The following SLC22A15 variants were observed in gnomAD, a reference collection of about 807,000 sequenced individuals.
The protein encoded by SLC22A15 is flipt 1.
In SLC22A15, 45 loss-of-function variants were observed where a neutral mutation model predicts 62.7. That is an observed-to-expected ratio of 0.72 (90% CI 0.56 to 0.92). The LOEUF is 0.92. SLC22A15 is among the 40% of genes least tolerant of loss of function. The probability of loss-of-function intolerance (pLI) is 0.00; values close to 1 mark genes in which losing one functional copy is unlikely to be tolerated. For synonymous variants in SLC22A15, 264 were observed against 267.0 expected (o/e 0.99, Z 0.11); for missense variants, 622 against 665.6 (o/e 0.93, Z 0.72).
chr1:115,986,221 C>T (rs1401047864), intron 1 of SLC22A15, among the ~76,000 whole-genome samples: 2 of 151,604 alleles, frequency 1.3e-5, no homozygotes, highest in Admixed American at 6.6e-5. Flanking sequence ...TTGGTTATAC[C>T]ATTATGCAAG....
At chr1:116,005,793 T>C (rs974127531) in intron 2 of SLC22A15, among the ~76,000 whole-genome samples, 2 of 151,880 alleles carry the variant, frequency 1.3e-5, no homozygotes, top group Non-Finnish European at 2.9e-5. Flanking sequence ...GTAGGTAGAG[T>C]ACCTACACAT....
intron 5 of SLC22A15, among the ~76,000 whole-genome samples, chr1:116,029,261 T>C (rs1338915681): frequency 6.6e-6 from 1 of 152,240 alleles, no homozygotes; most frequent in Non-Finnish European, 1.5e-5. Context: ...ATTTTCACAA[T>C]ACTTCAATTT....
intron 8 of SLC22A15, among the ~76,000 whole-genome samples, chr1:116,051,949 C>G (rs1658065273): frequency 6.6e-6 from 1 of 152,246 alleles, no homozygotes; most frequent in African/African-American, 2.4e-5. Flanking sequence ...AGGAACAGCT[C>G]TGGTCTACAG....
intron 8 of SLC22A15, among the ~76,000 whole-genome samples, chr1:116,056,831 G>T (rs550009655): frequency 4.7e-4 from 71 of 152,284 alleles, no homozygotes; most frequent in African/African-American, 1.6e-3. Context: ...AATAAATGGT[G>T]CTGGGAAAAC....
At chr1:116,022,755 A>G (rs1308133593) in intron 4 of SLC22A15, among the ~76,000 whole-genome samples, 2 of 152,186 alleles carry the variant, frequency 1.3e-5, no homozygotes, top group African/African-American at 4.8e-5. Context: ...TCTGTAGCAA[A>G]GTGAAAAGGG....
chr1:115,992,854 G>A (rs1655221648), intron 2 of SLC22A15, among the ~76,000 whole-genome samples: 3 of 151,990 alleles, frequency 2.0e-5, no homozygotes, highest in Admixed American at 1.3e-4. Context: ...TTGGACTCCT[G>A]ACTCAGGTGA....
chr1:116,020,574 C>CAA (rs530545712), intron 3 of SLC22A15, 147 bp from the exon 4 acceptor site: 15 of 643,246 alleles, frequency 2.3e-5, no homozygotes, highest in East Asian at 7.4e-5. Context: ...AACAAAAAAA[C>CAA]AAAAAAAAAC....
chr1:116,002,579 T>A (rs1196441743), intron 2 of SLC22A15, among the ~76,000 whole-genome samples: 1 of 150,382 alleles, frequency 6.6e-6, no homozygotes, highest in Non-Finnish European at 1.5e-5. Flanking sequence ...CCCCTTTACT[T>A]TTCCCTCTCC....
chr1:116,027,155 G>T, intron 5 of SLC22A15, 133 bp downstream of exon 5: 3 of 818,938 alleles, frequency 3.7e-6, no homozygotes, highest in Non-Finnish European at 6.0e-6. Context: ...ACTAAATTCT[G>T]CAAGTGCTCC....
At chr1:116,022,375 T>G (rs1305257898) in intron 4 of SLC22A15, among the ~76,000 whole-genome samples, 2 of 149,190 alleles carry the variant, frequency 1.3e-5, no homozygotes, top group Non-Finnish European at 3.0e-5. Context: ...GCCTGCTCCC[T>G]GTATCCAGGG....
intron 2 of SLC22A15, among the ~76,000 whole-genome samples, chr1:116,010,362 G>A (rs563815190): frequency 1.3e-5 from 2 of 152,296 alleles, no homozygotes; most frequent in East Asian, 3.9e-4. Flanking sequence ...AAAAGACAGA[G>A]TATTAAAACT....
At chr1:116,022,461 A>G (rs993726147) in intron 4 of SLC22A15, among the ~76,000 whole-genome samples, 1 of 152,172 alleles carries the variant, frequency 6.6e-6, no homozygotes, top group Non-Finnish European at 1.5e-5. Context: ...AGCACCATGA[A>G]TACATATTTT....
intron 8 of SLC22A15, among the ~76,000 whole-genome samples, chr1:116,050,954 G>T (rs1473675503): frequency 6.6e-6 from 1 of 152,064 alleles, no homozygotes; most frequent in Non-Finnish European, 1.5e-5. Flanking sequence ...ATCAAATCAA[G>T]AACTCAACCC....
chr1:116,033,577 GTGTGTGTGTGTA>G (rs1657517616), intron 6 of SLC22A15, among the ~76,000 whole-genome samples: 1 of 132,310 alleles, frequency 7.6e-6, no homozygotes, highest in African/African-American at 2.8e-5. Context: ...GTGTGTGTGT[GTGTGTGTGTGTA>G]TGTGTGTGTG....
chr1:116,052,434 C>T (rs1302644382), intron 8 of SLC22A15, among the ~76,000 whole-genome samples: 1 of 152,238 alleles, frequency 6.6e-6, no homozygotes, highest in Non-Finnish European at 1.5e-5. Context: ...CTCAAGGAGG[C>T]CTGCCTCCTT....
chr1:116,035,398 C>A, intron 7 of SLC22A15, 71 bp downstream of exon 7: 1 of 1,320,826 alleles, frequency 7.6e-7, no homozygotes, highest in Non-Finnish European at 1.0e-6. Flanking sequence ...CTCTGATACA[C>A]ATGCATATCT....
chr1:116,012,465 A>G (rs900455252), intron 2 of SLC22A15, among the ~76,000 whole-genome samples: 1 of 152,248 alleles, frequency 6.6e-6, no homozygotes, highest in African/African-American at 2.4e-5. Flanking sequence ...CTAATACAGT[A>G]GGGAAGGATA....
intron 10 of SLC22A15, among the ~76,000 whole-genome samples, chr1:116,066,019 GT>G (rs1465528671): frequency 6.6e-6 from 1 of 152,142 alleles, no homozygotes; most frequent in Non-Finnish European, 1.5e-5. Flanking sequence ...TTTTAAAAGA[GT>G]TTTTACACCT....
At chr1:116,011,133 G>A (rs1437541986) in intron 2 of SLC22A15, among the ~76,000 whole-genome samples, 1 of 152,180 alleles carries the variant, frequency 6.6e-6, no homozygotes, top group Non-Finnish European at 1.5e-5. Flanking sequence ...GCCAGCTGAG[G>A]GGCTAGGTAC....
Sources: gnomAD v4.1 joint callset for allele counts (sites outside exome capture counted in the v4.1 genomes callset) on GRCh38, gnomAD v4.1.1 for gene constraint, MANE v1.5 for transcripts, NCBI Gene and HGNC (gene_info 2026-07-23, HGNC 2026-07-21) for gene names.